The following ADAMTS6 variants were observed in gnomAD, a reference collection of about 807,000 sequenced individuals.
The protein encoded by ADAMTS6 is ADAM metallopeptidase with thrombospondin type 1 motif 6, also known as A disintegrin and metalloproteinase with thrombospondin motifs 6.
A neutral mutation model predicts 144.3 loss-of-function variants in ADAMTS6; 23 were observed. The observed-to-expected ratio is 0.16, with a 90% CI of 0.11 to 0.23. The LOEUF is 0.23. Ranked by LOEUF, ADAMTS6 falls within the 10% of genes least tolerant of loss-of-function variation. The probability of loss-of-function intolerance (pLI) is 1.00; values close to 1 mark genes in which losing one functional copy is unlikely to be tolerated. For synonymous variants in ADAMTS6, 444 were observed against 457.5 expected, an observed-to-expected ratio of 0.97 and a Z score of 0.38; for missense variants, 999 against 1,379.6, an observed-to-expected ratio of 0.72 and a Z score of 4.37.
intron 7 of ADAMTS6, among the ~76,000 whole-genome samples, chr5:65,418,459 C>T (rs1246974565): frequency 6.6e-6 from 1 of 152,056 alleles, no homozygotes; most frequent in Non-Finnish European, 1.5e-5. Context: ...GGGCTTTTTC[C>T]CTATTGTTTA....
At chr5:65,371,411 C>T (rs1750897085) in intron 7 of ADAMTS6, among the ~76,000 whole-genome samples, 1 of 151,800 alleles carries the variant, frequency 6.6e-6, no homozygotes, top group South Asian at 2.1e-4. Context: ...ATAACCAATA[C>T]AGAGAAGTGC....
chr5:65,285,695 T>C (rs1292986119), intron 11 of ADAMTS6, among the ~76,000 whole-genome samples: 1 of 151,966 alleles, frequency 6.6e-6, no homozygotes, highest in Non-Finnish European at 1.5e-5. Flanking sequence ...TGTCAGGAAA[T>C]GATAAATGTT....
intron 1 of ADAMTS6, among the ~76,000 whole-genome samples, chr5:65,474,796 CAAAAAAAAAA>C (rs11330695): frequency 2.5e-5 from 2 of 78,882 alleles, no homozygotes; most frequent in South Asian, 5.0e-4. Context: ...AAACTGTGAC[CAAAAAAAAAA>C]AAAAAAAAAA....
In ADAMTS6 at chr5:65,416,759, A is replaced by C. The variant is rs531849683; in HGVS notation, c.1073+34716T>G. On this transcript the variant is annotated intron_variant, in intron 7 of 24. Coordinates refer to ENST00000381055, the MANE Select transcript of ADAMTS6 (RefSeq NM_197941.4). ...AGCAAGACTCCATTTAAAAAAAAAA[A>C]AAAAAACCAACAACAACAACAAAAT... Among the ~76,000 whole-genome samples the C allele has an allele frequency of 1.2e-4, 18 of 150,998 alleles. No individual in the cohort carries two copies. The East Asian group carries it at 1.9e-3, about 16-fold the overall frequency.
chr5:65,406,113 C>G (rs1202896020), intron 7 of ADAMTS6, among the ~76,000 whole-genome samples: 7 of 152,158 alleles, frequency 4.6e-5, no homozygotes, highest in Non-Finnish European at 8.8e-5. Context: ...TTGACTTCCT[C>G]TTTTCCTAAT....
At chr5:65,168,766 G>A (rs1035588231) in intron 24 of ADAMTS6, among the ~76,000 whole-genome samples, 2 of 145,598 alleles carry the variant, frequency 1.4e-5, no homozygotes, top group African/African-American at 4.9e-5. Flanking sequence ...ACAAACCTTA[G>A]AAAAACAAGC....
At chr5:65,300,446 C>T (rs1743245840) in intron 9 of ADAMTS6, among the ~76,000 whole-genome samples, 1 of 152,016 alleles carries the variant, frequency 6.6e-6, no homozygotes, top group African/African-American at 2.4e-5. Context: ...ACAGATTTAG[C>T]AAAGATAAAC....
intron 1 of ADAMTS6, among the ~76,000 whole-genome samples, chr5:65,477,465 A>G (rs1262661687): frequency 6.6e-6 from 1 of 152,176 alleles, no homozygotes; most frequent in East Asian, 1.9e-4. Flanking sequence ...CTCTTGAGAA[A>G]TGTCCTGCTC....
intron 15 of ADAMTS6, among the ~76,000 whole-genome samples, chr5:65,238,826 T>C (rs1758908640): frequency 6.6e-6 from 1 of 152,138 alleles, no homozygotes; most frequent in Non-Finnish European, 1.5e-5. Flanking sequence ...TGTTCAAAAA[T>C]TGTAAAATTC....
At chr5:65,448,819 C>G (rs1463330229) in intron 7 of ADAMTS6, among the ~76,000 whole-genome samples, 2 of 152,146 alleles carry the variant, frequency 1.3e-5, no homozygotes, top group South Asian at 2.1e-4. Flanking sequence ...AAACATGCAT[C>G]ATGATCTTAC....
At chr5:65,421,815 A>T (rs1756067572) in intron 7 of ADAMTS6, among the ~76,000 whole-genome samples, 2 of 152,246 alleles carry the variant, frequency 1.3e-5, no homozygotes, top group Admixed American at 6.5e-5. Flanking sequence ...TCAACTCAAG[A>T]TGGATTGAAG....
intron 15 of ADAMTS6, among the ~76,000 whole-genome samples, chr5:65,227,080 T>C (rs1757783934): frequency 6.6e-6 from 1 of 152,200 alleles, no homozygotes; most frequent in African/African-American, 2.4e-5. Flanking sequence ...TTAGCATGGA[T>C]ATAAATTTTT....
chr5:65,170,555 C>A (rs954524488), intron 24 of ADAMTS6, 62 bp downstream of exon 24: 2 of 1,578,486 alleles, frequency 1.3e-6, no homozygotes, highest in Admixed American at 1.7e-5. Context: ...GCTCTTCAGA[C>A]CCTGGGAACA....
rs112458452 is a variant in ADAMTS6 at position 65,470,678 on chromosome 5, CTA to C, written c.462+98_462+99del. 1,866 of 933,442 alleles carry C rather than the reference CTA, an allele frequency of 2.0e-3. 3 individuals are homozygous for C. The highest frequency in any genetic ancestry group is 3.9e-3 in the South Asian group (143 of 36,916). The allele number at this position is 933,442 out of a possible 1,614,324, so 57.8% of individuals were successfully genotyped here. On this transcript the variant is annotated intron_variant, in intron 3 of 24. Transcript: ENST00000381055. The stretch of plus-strand genomic sequence containing the variant: ...ACTATTACCTTCCTACTTAAACTAC[CTA>C]TATATATATATATTTTTTTTTTAAT...
At position 65,452,209 on chromosome 5, in the gene ADAMTS6, T is replaced by G. The variant is rs1196592385; in HGVS notation, c.851A>C (p.Lys284Thr). 1 of 1,612,682 alleles carries G rather than the reference T, an allele frequency of 6.2e-7. No homozygotes were observed. Among genetic ancestry groups the G allele is most frequent in the African/African-American group, 1.3e-5 (1 of 74,882 alleles). The change falls in exon 6 of 25, where the codon AAA becomes ACA. Residue 284 changes from lysine to threonine, a missense_variant. Around this residue, in one of 3 missense-constraint regions of ADAMTS6, gnomAD observed 128 missense variants for 249.0 expected, o/e 0.51. Coordinates refer to ENST00000381055, the MANE Select transcript of ADAMTS6 (RefSeq NM_197941.4). ...YILSVMNIVA[K>T]LYRDSSLGNV... ...TCCTAGGCTGGAATCACGGTAAAGT[T>G]TGGCAACCTGACCTCCAGAAAATAA... is the stretch of plus-strand genomic sequence containing the variant.
chr5:65,384,561 T>G (rs1011466813), intron 7 of ADAMTS6, among the ~76,000 whole-genome samples: 1 of 152,228 alleles, frequency 6.6e-6, no homozygotes, highest in Non-Finnish European at 1.5e-5. Flanking sequence ...CTCATTAAGA[T>G]GACCTACTTT....
intron 7 of ADAMTS6, among the ~76,000 whole-genome samples, chr5:65,410,704 C>G (rs1561516819): frequency 6.6e-6 from 1 of 152,082 alleles, no homozygotes; most frequent in Non-Finnish European, 1.5e-5. Context: ...TGGCAACCAC[C>G]ATTTTACTCT....
intron 4 of ADAMTS6, among the ~76,000 whole-genome samples, chr5:65,454,165 C>T (rs747540227): frequency 7.2e-5 from 11 of 152,174 alleles, no homozygotes; most frequent in Non-Finnish European, 7.3e-5. Flanking sequence ...CTCCATGAGA[C>T]GACCCTCACC....
At chr5:65,445,768 C>G (rs1311308517) in intron 7 of ADAMTS6, among the ~76,000 whole-genome samples, 1 of 151,678 alleles carries the variant, frequency 6.6e-6, no homozygotes, top group East Asian at 1.9e-4. Context: ...CAACAAGGCA[C>G]GGATAAAAGG....
Sources: gnomAD v4.1 joint callset for allele counts (sites outside exome capture counted in the v4.1 genomes callset) on GRCh38, gnomAD v4.1.1 for gene constraint, gnomAD v4.1.1 regional missense constraint, MANE v1.5 for transcripts, NCBI Gene and HGNC (gene_info 2026-07-23, HGNC 2026-07-21) for gene names.